Variants in CYP11A1 observed in about 807,000 individuals in gnomAD.
CYP11A1 encodes the protein cholesterol side-chain cleavage enzyme, mitochondrial.
Under a neutral mutation model 51.9 loss-of-function variants are expected in CYP11A1, and 25 were observed. That is an observed-to-expected ratio of 0.48 (90% confidence interval 0.35 to 0.67). CYP11A1 has a LOEUF of 0.67. Among genes scored for constraint, CYP11A1 ranks in the 30% least tolerant of loss-of-function variants. The pLI, the probability that CYP11A1 is intolerant of heterozygous loss-of-function variation, is 0.00. For synonymous variants in CYP11A1, 245 were observed against 262.1 expected (o/e 0.93, Z 0.63); for missense variants, 578 against 680.9 (o/e 0.85, Z 1.68).
chr15:74,340,795 G>A lies in CYP11A1; in HGVS notation c.991-1042C>T, dbSNP rs138049070. On this transcript the variant is annotated intron_variant, in intron 5 of 8. Transcript: ENST00000268053. ...ATGAAATACAGAGGCTCAGGCCTGA[G>A]CCACAGGGCCCCTCAACACCTGCCT... Among the ~76,000 whole-genome samples the A allele has an allele frequency of 9.3e-3, 1,413 of 152,106 alleles. 13 individuals are homozygous for A. The highest frequency in any genetic ancestry group is 0.014 in the Middle Eastern group (4 of 294).
intron 1 of CYP11A1, among the ~76,000 whole-genome samples, chr15:74,348,396 C>T (rs1467250559): frequency 6.6e-6 from 1 of 152,196 alleles, no homozygotes; most frequent in African/African-American, 2.4e-5. Flanking sequence ...CCAGCAAGTC[C>T]TCCACTCCTT....
At chr15:74,366,275 C>T in intron 1 of CYP11A1, 1 of 903,810 alleles carries the variant, frequency 1.1e-6, no homozygotes, top group Non-Finnish European at 1.3e-6. Context: ...CTCCCTCCCC[C>T]GATTTTTTTT....
rs763526130 is a variant in CYP11A1, at chr15:74,345,256, G to A, written c.426-13C>T. On this transcript the variant is annotated splice_polypyrimidine_tract_variant and intron_variant, in intron 2 of 8. Transcript: ENST00000268053. The surrounding 1 kb of genome is among the most constrained non-coding windows in gnomAD (Gnocchi z 4.3). ...GGCTGCCGACTTCCTGAGAAAACAT[G>A]GGCCCACAAGCCCTCATGGTCACAG... 2.5e-6 allele frequency: 4 copies of A among 1,613,944 alleles called. No homozygotes were observed. The highest frequency in any genetic ancestry group is 3.4e-6 in the Non-Finnish European group (4 of 1,180,012).
chr15:74,350,191 A>G (rs758305151), intron 1 of CYP11A1: 4 of 334,444 alleles, frequency 1.2e-5, no homozygotes, highest in South Asian at 5.0e-5. Flanking sequence ...TGTTAAATCA[A>G]TTGGAATTGA....
At chr15:74,341,189 T>G (rs976212248) in intron 5 of CYP11A1, among the ~76,000 whole-genome samples, 1 of 152,182 alleles carries the variant, frequency 6.6e-6, no homozygotes, top group East Asian at 1.9e-4. Flanking sequence ...GAGTATTAAA[T>G]GAGGTAACAT....
chr15:74,366,460 T>TTTTATTTA (rs45509005), intron 1 of CYP11A1, among the ~76,000 whole-genome samples: 16,812 of 137,606 alleles, frequency 0.12, 2,618 homozygotes, highest in African/African-American at 0.37. Context: ...ATTTTTTTTA[T>TTTTATTTA]TTTATTTATT....
intron 4 of CYP11A1, among the ~76,000 whole-genome samples, chr15:74,343,549 T>G (rs1202857147): frequency 1.3e-5 from 2 of 152,214 alleles, no homozygotes; most frequent in Non-Finnish European, 1.5e-5. Flanking sequence ...CATGAGCTCC[T>G]TTGAAGAAGA....
intron 5 of CYP11A1, among the ~76,000 whole-genome samples, chr15:74,342,138 A>C (rs2060609765): frequency 6.6e-6 from 1 of 152,164 alleles, no homozygotes; most frequent in African/African-American, 2.4e-5. Context: ...GCTGGAGTGC[A>C]GTGGTGCGAT....
chr15:74,353,555 G>T (rs1336596730), intron 1 of CYP11A1, among the ~76,000 whole-genome samples: 1 of 152,142 alleles, frequency 6.6e-6, no homozygotes, highest in Non-Finnish European at 1.5e-5. Flanking sequence ...TTTGTTAATT[G>T]CACAGGATGT....
chr15:74,341,032 G>A (rs1260168495), intron 5 of CYP11A1, among the ~76,000 whole-genome samples: 6 of 152,212 alleles, frequency 3.9e-5, no homozygotes, highest in South Asian at 2.1e-4. Flanking sequence ...GCCAAGGCCT[G>A]CCATAGAGAT....
chr15:74,339,902 C>T lies in CYP11A1; in HGVS notation c.991-149G>A, dbSNP rs72547454. The T allele has an allele frequency of 0.019, 14,056 of 721,514 alleles. 181 individuals carry two copies. Among genetic ancestry groups the T allele is most frequent in the Middle Eastern group, 0.026 (68 of 2,660 alleles). The allele number at this position is 721,514 out of a possible 1,614,324, so 44.7% of individuals were successfully genotyped here. ...TCTCCAAGACCATCCTCTGCAAGAG[C>T]AAAACACATTCCATTGTCTAAAAGG... On this transcript the variant is annotated intron_variant, in intron 5 of 8. Transcript: ENST00000268053.
At position 74,345,071 on chromosome 15, in the gene CYP11A1, C is replaced by T; in HGVS notation, c.598G>A (p.Asp200Asn). 6.2e-7 allele frequency: 1 copy of T among 1,614,064 alleles called. No individual in the cohort carries two copies. Among genetic ancestry groups the T allele is most frequent in the Non-Finnish European group, 8.5e-7 (1 of 1,179,938 alleles). Residue 200 changes from aspartate to asparagine, a missense_variant, in exon 3 of 9, where the codon GAT (aspartate) becomes AAT (asparagine). Physicochemically the swap from Asp to Asn is conservative, Grantham distance 23. Transcript: ENST00000268053. The surrounding 1 kb of genome is among the most constrained non-coding windows in gnomAD (Gnocchi z 4.3). ...TCAAAGGCAAAGCGGAACAGGTCAT[C>T]ACTGATGTCCCCCGAGTAATTTCCG... The part of the protein sequence containing the change: ...GSGNYSGDIS[D>N]DLFRFAFESI...
chr15:74,367,181 A>C, intron 1 of CYP11A1, 136 bp downstream of exon 1: 2 of 411,534 alleles, frequency 4.9e-6, no homozygotes, highest in Non-Finnish European at 7.7e-6. Context: ...GTATTACCAA[A>C]AAAAAAAAAA....
Position 74,338,008 on chromosome 15 carries a change from G to A in CYP11A1, c.1530C>T (p.Thr510=). ...ILMPEKPISF[T]FWPFNQEATQ... ...TTGCTTCCTGGTTAAAGGGCCAGAA[G>A]GTGAAGGAGATGGGCTTTTCAGGCA... The change falls in exon 9 of 9, where the codon ACC becomes ACT. Residue 510 remains threonine, a synonymous_variant. Transcript: ENST00000268053. 1 of 1,614,198 alleles carries A rather than the reference G, an allele frequency of 6.2e-7. No individual in the cohort carries two copies. Among genetic ancestry groups the A allele is most frequent in the Non-Finnish European group, 8.5e-7 (1 of 1,180,036 alleles).
rs527463931 is a variant in CYP11A1, at chr15:74,338,498, G to A, written c.1434+73C>T. The A allele has an allele frequency of 1.4e-4, 199 of 1,453,566 alleles. 2 individuals carry two copies. The South Asian group carries it at 2.2e-3, about 16-fold the overall frequency. The allele number at this position is 1,453,566 out of a possible 1,614,324, so 90.0% of individuals were successfully genotyped here. A position where few individuals can be genotyped will look rare whatever the true frequency, so the allele number is the denominator to read the frequency against. ...ATCCTTGGGCTCTGGACAGAGATAGGAGGAGGAAGATTGGTGCCTTCATTA... is the reference window on the plus strand; with the variant it reads ...ATCCTTGGGCTCTGGACAGAGATAGAAGGAGGAAGATTGGTGCCTTCATTA... On this transcript the variant is annotated intron_variant, in intron 8 of 8. Transcript: ENST00000268053.
rs147197803 is a variant in CYP11A1 at position 74,340,954 on chromosome 15, C to T, written c.991-1201G>A. Among the ~76,000 whole-genome samples, 464 of 152,296 alleles carry T rather than the reference C, an allele frequency of 3.0e-3. 5 individuals are homozygous for T. The highest frequency in any genetic ancestry group is 3.9e-3 in the East Asian group (20 of 5,184). The stretch of plus-strand genomic sequence containing the variant: ...GTCCTCTTCCTGGAATTCCCTTCCC[C>T]GCCTAAGAAGGAAGGATGTGCTCCC... On this transcript the variant is annotated intron_variant, in intron 5 of 8. Transcript: ENST00000268053.
chr15:74,366,780 A>C (rs1216777204), intron 1 of CYP11A1: 1 of 159,956 alleles, frequency 6.3e-6, no homozygotes, highest in East Asian at 1.8e-4. Flanking sequence ...CAATGGTGCG[A>C]TCTCGGCTCA....
At position 74,345,197 on chromosome 15, in the gene CYP11A1, C is replaced by T; in HGVS notation, c.472G>A (p.Val158Met). ...KKDRVALNQE[V>M]MAPEATKNFL... ...TTCTTGGTGGCCTCTGGAGCCATCA[C>T]CTCCTGGTTCAGGGCCACCCGGTCT... The change falls in exon 3 of 9, where the codon GTG (valine) becomes ATG (methionine). Residue 158 changes from valine to methionine, a missense_variant. Val to Met is a conservative substitution (Grantham distance 21). Transcript: ENST00000268053. This position sits in a 1 kb window ranked among gnomAD's most constrained non-coding sequence, Gnocchi z 4.3. The T allele has an allele frequency of 6.2e-7, 1 of 1,614,216 alleles. No homozygotes were observed. The highest frequency in any genetic ancestry group is 8.5e-7 in the Non-Finnish European group (1 of 1,180,032).
Position 74,345,354 on chromosome 15 carries a change from C to G in CYP11A1, c.426-111G>C. The G allele has an allele frequency of 8.7e-7, 1 of 1,150,446 alleles. No homozygotes were observed. Among genetic ancestry groups the G allele is most frequent in the Non-Finnish European group, 1.3e-6 (1 of 779,922 alleles). The allele number at this position is 1,150,446 out of a possible 1,614,324, so 71.3% of individuals were successfully genotyped here. On this transcript the variant is annotated intron_variant, in intron 2 of 8. Transcript: ENST00000268053. The surrounding 1 kb of genome is among the most constrained non-coding windows in gnomAD (Gnocchi z 4.3). ...AAGCTGAGTCACAGCTCACAGCATCCAGCACTCCCACCAGGGCCTCTGCCC... is the reference window on the plus strand; with the variant it reads ...AAGCTGAGTCACAGCTCACAGCATCGAGCACTCCCACCAGGGCCTCTGCCC...
Sources: allele counts gnomAD v4.1 joint callset (sites outside exome capture counted in the v4.1 genomes callset), GRCh38; gene constraint gnomAD v4.1.1; non-coding constraint Gnocchi (gnomAD v3.1); transcripts MANE v1.5; gene names NCBI Gene and HGNC (gene_info 2026-07-23, HGNC 2026-07-21).